The following PIEZO2 variants were observed in gnomAD, a reference collection of about 807,000 sequenced individuals.
PIEZO2 encodes the protein piezo-type mechanosensitive ion channel component 2.
PIEZO2 carries 172 observed loss-of-function variants against 337.3 expected under a neutral mutation model. That is an observed-to-expected ratio of 0.51 (90% CI 0.45 to 0.58). PIEZO2 has a LOEUF of 0.58. PIEZO2 is among the 20% of genes least tolerant of loss of function. PIEZO2 has a pLI of 0.00. For missense variants in PIEZO2, 3,028 were observed against 3,391.3 expected (o/e 0.89, Z 2.66); for synonymous variants, 1,251 against 1,228.5 (o/e 1.02, Z -0.38).
chr18:11,084,786 A>G (rs1460887000), intron 1 of PIEZO2, among the ~76,000 whole-genome samples: 1 of 152,234 alleles, frequency 6.6e-6, no homozygotes, highest in African/African-American at 2.4e-5. Context: ...ACACGACAGA[A>G]GGAAACACTG....
chr18:11,011,134 T>C (rs925685676), intron 2 of PIEZO2, among the ~76,000 whole-genome samples: 2 of 152,234 alleles, frequency 1.3e-5, no homozygotes, highest in African/African-American at 2.4e-5. Flanking sequence ...AAGACTGCAA[T>C]GGGACCTGGA....
At chr18:10,745,800 C>T (rs1895136863) in intron 30 of PIEZO2, among the ~76,000 whole-genome samples, 1 of 152,160 alleles carries the variant, frequency 6.6e-6, no homozygotes, top group African/African-American at 2.4e-5. Context: ...TCCATCTCCT[C>T]ACTTCTCCAG....
chr18:10,708,591 G>C (rs1051364224), intron 39 of PIEZO2, among the ~76,000 whole-genome samples, 152 bp from the exon 40 acceptor site: 1 of 152,118 alleles, frequency 6.6e-6, no homozygotes, highest in Non-Finnish European at 1.5e-5. Context: ...CGGGGCTCAG[G>C]GATGGGGATG....
Position 10,675,210 on chromosome 18 carries a change from A to G in PIEZO2, c.8160T>C (p.Ser2720=), listed in dbSNP as rs1417665903. ...SNSKPIKQLL[S]ENNFMDITII... ...GAAACAAATTTTTCTCATTCTTACC[A>G]GATAAAAGTTGCTTTATAGGTTTTG... Residue 2720 remains serine, a splice_region_variant and synonymous_variant, in exon 54 of 56, where the codon TCT becomes TCC. Transcript: ENST00000674853. 5 of 1,530,070 alleles carry G rather than the reference A, an allele frequency of 3.3e-6. No individual in the cohort carries two copies. The Admixed American group carries it at 1.0e-4, about 32-fold the overall frequency. The allele number at this position is 1,530,070 out of a possible 1,614,324, so 94.8% of individuals were successfully genotyped here.
intron 3 of PIEZO2, among the ~76,000 whole-genome samples, chr18:10,951,905 A>G (rs2033312868): frequency 6.6e-6 from 1 of 152,260 alleles, no homozygotes; most frequent in African/African-American, 2.4e-5. Context: ...AATGATTATG[A>G]GATATGAAAC....
rs72872298 is a variant in PIEZO2 at position 11,069,508 on chromosome 18, A to C, written c.65-3286T>G. 2.2e-3 allele frequency among the ~76,000 whole-genome samples: 330 copies of C among 152,340 alleles called. 3 individuals carry two copies. The highest frequency in any genetic ancestry group is 3.3e-3 in the Non-Finnish European group (222 of 68,026). On this transcript the variant is annotated intron_variant, in intron 1 of 55. Coordinates refer to ENST00000674853, the MANE Select transcript of PIEZO2 (RefSeq NM_001378183.1). The surrounding 1 kb of genome is among the most constrained non-coding windows in gnomAD (Gnocchi z 4.9). ...ATGGTAAAAATTCTCAACAAATTACATATAGAAGAAATGGACTTCAACACA... is the reference window on the plus strand; with the variant it reads ...ATGGTAAAAATTCTCAACAAATTACCTATAGAAGAAATGGACTTCAACACA...
chr18:11,139,580 C>T (rs535499738), intron 1 of PIEZO2, among the ~76,000 whole-genome samples: 19 of 152,156 alleles, frequency 1.2e-4, no homozygotes, highest in South Asian at 1.0e-3. Context: ...CCCACCTAGA[C>T]GATGGGAGCA....
chr18:10,930,939 GT>G (rs2032043844), intron 3 of PIEZO2, among the ~76,000 whole-genome samples: 1 of 152,044 alleles, frequency 6.6e-6, no homozygotes, highest in Non-Finnish European at 1.5e-5. Flanking sequence ...GCTGTCCTTG[GT>G]TTTTCTAAGC....
Position 10,895,785 on chromosome 18 carries a change from G to C in PIEZO2, c.329+15401C>G, listed in dbSNP as rs921940663. ...GTCTCTAAAACTCAGAGCCAGGCACGGGCAGGCTCACGCCTGTAATCCCAG... is the reference window on the plus strand; with the variant it reads ...GTCTCTAAAACTCAGAGCCAGGCACCGGCAGGCTCACGCCTGTAATCCCAG... On this transcript the variant is annotated intron_variant, in intron 4 of 55. Transcript: ENST00000674853. This position sits in a 1 kb window ranked among gnomAD's most constrained non-coding sequence, Gnocchi z 4.8. 2.6e-5 allele frequency among the ~76,000 whole-genome samples: 4 copies of C among 152,074 alleles called. No individual in the cohort carries two copies. The highest frequency in any genetic ancestry group is 5.9e-5 in the Non-Finnish European group (4 of 67,996).
At chr18:10,747,582 G>A (rs137880185) in intron 30 of PIEZO2, among the ~76,000 whole-genome samples, 1 of 152,306 alleles carries the variant, frequency 6.6e-6, no homozygotes, top group East Asian at 1.9e-4. Context: ...TCCACGGAAT[G>A]AGGGCTGGGT....
intron 1 of PIEZO2, among the ~76,000 whole-genome samples, chr18:11,086,512 C>T (rs945513184): frequency 1.5e-4 from 21 of 144,482 alleles, no homozygotes; most frequent in African/African-American, 4.8e-4. Flanking sequence ...GAGCGAGACT[C>T]CGTCTCAAAA....
chr18:11,057,498 G>C (rs535669985), intron 2 of PIEZO2, among the ~76,000 whole-genome samples: 1 of 152,096 alleles, frequency 6.6e-6, no homozygotes, highest in Non-Finnish European at 1.5e-5. Flanking sequence ...TGATTTTCTG[G>C]TTCTCTGTTA....
intron 7 of PIEZO2, among the ~76,000 whole-genome samples, chr18:10,811,138 T>C (rs915940784): frequency 6.6e-6 from 1 of 152,202 alleles, no homozygotes; most frequent in Non-Finnish European, 1.5e-5. Context: ...TCATTCACGT[T>C]TCTTCCTATC....
In PIEZO2 at chr18:10,672,770, AT is replaced by A; in HGVS notation, c.8264del (p.Asn2755IlefsTer39). ...CCAGTTCCAGGGCCTGAGAGTTCGG[AT>A]TGTATATTCTGTTTCCAGTCAGGTT... ...VLNLTGNRIYNPNSQALELVV... is the reference protein window; with the variant it reads ...VLNLTGNRIYXPNSQALELVV... On this transcript the variant is annotated frameshift_variant, in exon 55 of 56. Coordinates refer to ENST00000674853, the MANE Select transcript of PIEZO2 (RefSeq NM_001378183.1). LOFTEE classifies it high-confidence loss of function. This position sits in a 1 kb window ranked among gnomAD's most constrained non-coding sequence, Gnocchi z 4.7. 1 of 1,614,074 alleles carries A rather than the reference AT, an allele frequency of 6.2e-7. No homozygotes were observed. The highest frequency in any genetic ancestry group is 8.5e-7 in the Non-Finnish European group (1 of 1,179,990).
Position 10,855,337 on chromosome 18 carries a change from T to C in PIEZO2, c.917+16A>G. The C allele has an allele frequency of 6.6e-7, 1 of 1,520,072 alleles. No individual in the cohort carries two copies. Among genetic ancestry groups the C allele is most frequent in the East Asian group, 2.5e-5 (1 of 40,804 alleles). The allele number at this position is 1,520,072 out of a possible 1,614,324, so 94.2% of individuals were successfully genotyped here. On this transcript the variant is annotated intron_variant, in intron 7 of 55. Coordinates refer to ENST00000674853, the MANE Select transcript of PIEZO2 (RefSeq NM_001378183.1). The surrounding 1 kb of genome is among the most constrained non-coding windows in gnomAD (Gnocchi z 4.9). The stretch of plus-strand genomic sequence containing the variant: ...GGGACAACCTCTCCTGGAAATGCCA[T>C]AAGGATTTCTCTTACCTTGCATAGT...
intron 3 of PIEZO2, among the ~76,000 whole-genome samples, chr18:10,922,799 C>G (rs2031507546): frequency 6.6e-6 from 1 of 152,060 alleles, no homozygotes; most frequent in Admixed American, 6.5e-5. Flanking sequence ...TTACAAAATC[C>G]TTACATAGAT....
intron 4 of PIEZO2, among the ~76,000 whole-genome samples, chr18:10,901,341 T>C (rs1412342329): frequency 2.6e-5 from 4 of 152,078 alleles, no homozygotes; most frequent in Non-Finnish European, 5.9e-5. Context: ...TTTCTAATGG[T>C]TGATACCAGG....
intron 3 of PIEZO2, among the ~76,000 whole-genome samples, chr18:10,975,341 T>A (rs2034402777): frequency 1.3e-5 from 2 of 152,208 alleles, no homozygotes. Context: ...TTTACATTTA[T>A]TTAAGTAGCA....
chr18:10,991,824 G>T (rs1031413301), intron 2 of PIEZO2, among the ~76,000 whole-genome samples: 2 of 152,084 alleles, frequency 1.3e-5, no homozygotes, highest in African/African-American at 4.8e-5. Context: ...CACAATGGTT[G>T]AACTAATTTA....
Sources: allele counts gnomAD v4.1 joint callset (sites outside exome capture counted in the v4.1 genomes callset), GRCh38; gene constraint gnomAD v4.1.1; non-coding constraint Gnocchi (gnomAD v3.1); transcripts MANE v1.5; gene names NCBI Gene and HGNC (gene_info 2026-07-23, HGNC 2026-07-21).